The following EXPH5 variants were observed in gnomAD, a reference collection of about 807,000 sequenced individuals.
EXPH5 encodes exophilin-5.
Under a neutral mutation model 41.1 loss-of-function variants are expected in EXPH5, and 42 were observed. That is an observed-to-expected ratio of 1.02 (90% CI 0.80 to 1.32). The LOEUF is 1.32. Among genes scored for constraint, EXPH5 ranks in the 40% most tolerant of loss-of-function variants. The probability of loss-of-function intolerance (pLI) is 0.00; values close to 1 mark genes in which losing one functional copy is unlikely to be tolerated. For missense variants in EXPH5, 2,298 were observed against 2,314.5 expected, an observed-to-expected ratio of 0.99 and a Z score of 0.15; for synonymous variants, 798 against 833.5, an observed-to-expected ratio of 0.96 and a Z score of 0.73.
chr11:108,552,119 A>C (rs963624342), intron 1 of EXPH5: 1 of 151,240 alleles, frequency 6.6e-6, no homozygotes, highest in Non-Finnish European at 1.5e-5. Flanking sequence ...AAGCTTTAAA[A>C]CAACTGTTGT....
At chr11:108,562,019 T>C (rs1439285890) in intron 1 of EXPH5, among the ~76,000 whole-genome samples, 1 of 152,172 alleles carries the variant, frequency 6.6e-6, no homozygotes, top group Admixed American at 6.5e-5. Flanking sequence ...GGACTGGCCG[T>C]GCAGGGTTGA....
At chr11:108,542,269 G>A (rs541580602) in intron 1 of EXPH5, among the ~76,000 whole-genome samples, 2 of 151,180 alleles carry the variant, frequency 1.3e-5, no homozygotes, top group Non-Finnish European at 2.9e-5. Flanking sequence ...TAATCTGTAA[G>A]TCTAGAAAAA....
chr11:108,531,720 G>T (rs536802296), intron 3 of EXPH5, among the ~76,000 whole-genome samples: 1 of 152,128 alleles, frequency 6.6e-6, no homozygotes, highest in African/African-American at 2.4e-5. Flanking sequence ...TGTTGGTGGG[G>T]CACACTTTAC....
Position 108,511,013 on chromosome 11 carries a change from T to A in EXPH5, c.4494A>T (p.Lys1498Asn), listed in dbSNP as rs1749108689. 3.1e-6 allele frequency: 5 copies of A among 1,614,172 alleles called. No individual in the cohort carries two copies. Among genetic ancestry groups the A allele is most frequent in the Non-Finnish European group, 3.4e-6 (4 of 1,180,014 alleles). ...CTTGACTCTCTGAGTGAGAAAGTGT[T>A]TTATTAGTCATTTTTTGGCAGTTGG... is the stretch of plus-strand genomic sequence containing the variant. Reference protein sequence around the residue: ...IGTNCQKMTNKTLSHSESQVF... With the variant: ...IGTNCQKMTNNTLSHSESQVF... The change falls in exon 6 of 6, where the codon AAA becomes AAT. Residue 1498 changes from lysine (K) to asparagine (N), a missense_variant. Transcript: ENST00000265843.
chr11:108,577,341 C>G (rs1206688156), intron 1 of EXPH5, among the ~76,000 whole-genome samples: 4 of 152,160 alleles, frequency 2.6e-5, no homozygotes, highest in African/African-American at 9.7e-5. Flanking sequence ...AGTGGCTGTA[C>G]TAATTTACAT....
rs769579723 is a variant in EXPH5 at position 108,512,295 on chromosome 11, C to T, written c.3212G>A (p.Ser1071Asn). The part of the protein sequence containing the change: ...AMGNYMLNKF[S>N]PSSPESANEC... ...ATTCGCTGACTCAGGAGAACTGGGA[C>T]TAAATTTGTTTAACATATAGTTCCC... Residue 1071 changes from serine to asparagine, a missense_variant, in exon 6 of 6, where the codon AGT (serine) becomes AAT (asparagine). Physicochemically the swap from Ser to Asn is conservative, Grantham distance 46. Transcript: ENST00000265843. 1 of 1,613,744 alleles carries T rather than the reference C, an allele frequency of 6.2e-7. No homozygotes were observed. The highest frequency in any genetic ancestry group is 1.7e-5 in the Admixed American group (1 of 59,952).
intron 1 of EXPH5, among the ~76,000 whole-genome samples, chr11:108,583,988 A>G (rs1157961090): frequency 6.6e-6 from 1 of 152,250 alleles, no homozygotes; most frequent in East Asian, 1.9e-4. Context: ...GGTAGGGTAC[A>G]AGATCAATAT....
rs2093639261 is a variant in EXPH5, at chr11:108,505,437, T to C, written c.*4100A>G. 6.6e-6 allele frequency: 1 copy of C among 152,246 alleles called. No individual in the cohort carries two copies. Among genetic ancestry groups the C allele is most frequent in the African/African-American group, 2.4e-5 (1 of 41,454 alleles). 9.4% of individuals were successfully genotyped at this position (152,246 alleles called of 1,614,324 possible). A position where few individuals can be genotyped will look rare whatever the true frequency, so the allele number is the denominator to read the frequency against. ...TAAAAACCAAATCAAATAGTGCATCTGTTTAAGTCATTTATTTCAATACAG... is the reference window on the plus strand; with the variant it reads ...TAAAAACCAAATCAAATAGTGCATCCGTTTAAGTCATTTATTTCAATACAG... On this transcript the variant is annotated 3_prime_UTR_variant, in exon 6 of 6. Coordinates refer to ENST00000265843, the MANE Select transcript of EXPH5 (RefSeq NM_015065.3).
intron 3 of EXPH5, among the ~76,000 whole-genome samples, chr11:108,528,752 G>A (rs1212547773): frequency 6.9e-6 from 1 of 144,922 alleles, no homozygotes; most frequent in Non-Finnish European, 1.5e-5. Context: ...GCCCAGGCTG[G>A]AGTGCAGTGG....
intron 1 of EXPH5, among the ~76,000 whole-genome samples, chr11:108,591,190 A>G (rs1453078052): frequency 6.6e-6 from 1 of 152,248 alleles, no homozygotes. Flanking sequence ...TTGTTCACAT[A>G]TGCCAAGCCA....
At chr11:108,595,763 G>C (rs1011178022), upstream of EXPH5, among the ~76,000 whole-genome samples, 2 of 152,252 alleles carry the variant, frequency 1.3e-5, no homozygotes, top group African/African-American at 4.8e-5. Context: ...AAGAGGTTTA[G>C]AAACACTGGG....
In EXPH5 at chr11:108,510,796, C is replaced by T. The variant is rs1388200427; in HGVS notation, c.4711G>A (p.Glu1571Lys). ...KSAWDQPSLP[E>K]GNKNKTNLDD... is the part of the protein sequence containing the mutation. ...AAGTTGGTTTTATTTTTGTTTCCTT[C>T]AGGAAGTGAAGGTTGATCCCAAGCT... The change falls in exon 6 of 6, where the codon GAA becomes AAA. Residue 1571 changes from glutamate (E) to lysine (K), a missense_variant. Transcript: ENST00000265843. 4 of 1,614,026 alleles carry T rather than the reference C, an allele frequency of 2.5e-6. No homozygotes were observed. The highest frequency in any genetic ancestry group is 3.4e-6 in the Non-Finnish European group (4 of 1,180,006).
intron 3 of EXPH5, among the ~76,000 whole-genome samples, chr11:108,532,366 ATTTTTTTTTTTTTTTTTTTTT>A (rs1168217383): frequency 3.1e-5 from 1 of 32,144 alleles, no homozygotes; most frequent in African/African-American, 2.0e-4. Flanking sequence ...ATATATATAT[ATTTTTTTTTTTTTTTTTTTTT>A]TTTTTTTTGT....
chr11:108,580,152 T>C (rs554961160), intron 1 of EXPH5, among the ~76,000 whole-genome samples: 6 of 152,196 alleles, frequency 3.9e-5, no homozygotes, highest in Admixed American at 3.9e-4. Flanking sequence ...AAACTACTCA[T>C]CCAAAAGGGA....
chr11:108,587,911 C>G (rs553511362), intron 1 of EXPH5, among the ~76,000 whole-genome samples: 2 of 152,098 alleles, frequency 1.3e-5, no homozygotes, highest in Admixed American at 6.6e-5. Context: ...AGCCACCAAG[C>G]CTGGCTAATT....
upstream of EXPH5, among the ~76,000 whole-genome samples, chr11:108,594,451 A>G (rs2094135653): frequency 6.6e-6 from 1 of 152,244 alleles, no homozygotes; most frequent in African/African-American, 2.4e-5. Flanking sequence ...TACACATGCC[A>G]TTTAAAAATA....
chr11:108,522,142 G>A (rs760932357), intron 4 of EXPH5, among the ~76,000 whole-genome samples: 9 of 151,502 alleles, frequency 5.9e-5, no homozygotes, highest in South Asian at 2.1e-4. Context: ...AGAAAATACC[G>A]AGGTTTCATT....
chr11:108,607,357 T>C, the EXPH5 span, among the ~76,000 whole-genome samples: 1 of 152,198 alleles, frequency 6.6e-6, no homozygotes, highest in Admixed American at 6.5e-5. Context: ...TGGAGTCAAC[T>C]AGAAAAGAAT....
chr11:108,585,278 C>T lies in EXPH5; in HGVS notation c.119+8140G>A, dbSNP rs534127133. Among the ~76,000 whole-genome samples the T allele has an allele frequency of 2.6e-5, 4 of 152,306 alleles. No homozygotes were observed. In the East Asian group the frequency reaches 5.8e-4, roughly 22 times the overall value. ...AAATGCTGGCAAGACTAAAGAACTACTATGCTCTTGTCTGAAAGTATGTGT... is the reference window on the plus strand; with the variant it reads ...AAATGCTGGCAAGACTAAAGAACTATTATGCTCTTGTCTGAAAGTATGTGT... On this transcript the variant is annotated intron_variant, in intron 1 of 5. Transcript: ENST00000265843.
Sources: gnomAD v4.1 joint callset for allele counts (sites outside exome capture counted in the v4.1 genomes callset) on GRCh38, gnomAD v4.1.1 for gene constraint, MANE v1.5 for transcripts, NCBI Gene and HGNC (gene_info 2026-07-23, HGNC 2026-07-21) for gene names.